Variants in HDGFL2 observed in about 807,000 individuals in gnomAD.
HDGFL2 encodes the protein HDGF like 2.
A neutral mutation model predicts 77.1 loss-of-function variants in HDGFL2; 36 were observed. That is an observed-to-expected ratio of 0.47 (90% CI 0.36 to 0.62). The LOEUF (loss-of-function observed/expected upper bound fraction) is 0.62, where lower values mean the gene tolerates loss of function less well. HDGFL2 is among the 20% of genes least tolerant of loss of function. The probability of loss-of-function intolerance (pLI) is 0.00; values close to 1 mark genes in which losing one functional copy is unlikely to be tolerated. For missense variants in HDGFL2, 976 were observed against 973.4 expected, an observed-to-expected ratio of 1.00 and a Z score of -0.04; for synonymous variants, 463 against 413.1, an observed-to-expected ratio of 1.12 and a Z score of -1.46.
At chr19:4,481,384 G>T (rs1486675563) in intron 3 of HDGFL2, among the ~76,000 whole-genome samples, 1 of 152,076 alleles carries the variant, frequency 6.6e-6, no homozygotes, top group Non-Finnish European at 1.5e-5. Flanking sequence ...TAGAGACGGG[G>T]TTTCACCATG....
chr19:4,494,066 T>A lies in HDGFL2; in HGVS notation c.914+9T>A, dbSNP rs780332474. 1.3e-6 allele frequency: 2 copies of A among 1,594,718 alleles called. No homozygotes were observed. Among genetic ancestry groups the A allele is most frequent in the Non-Finnish European group, 1.7e-6 (2 of 1,171,014 alleles). ...AGCTCCAGCAGTGACAGGTGGGTGC[T>A]GGGGCTGGGGTCCCCTCTGGCGGCT... On this transcript the variant is annotated intron_variant, in intron 8 of 15. Transcript: ENST00000616600.
At position 4,484,531 on chromosome 19, in the gene HDGFL2, G is replaced by A. The variant is rs958732934; in HGVS notation, c.289-4145G>A. Among the ~76,000 whole-genome samples, 8 of 150,250 alleles carry A rather than the reference G, an allele frequency of 5.3e-5. No homozygotes were observed. In the South Asian group the frequency reaches 8.4e-4, roughly 16 times the overall value. On this transcript the variant is annotated intron_variant, in intron 3 of 15. Coordinates refer to ENST00000616600, the MANE Select transcript of HDGFL2 (RefSeq NM_001001520.3). ...TCTTTTTTTTTGAGACAGAGTCTTC[G>A]CTCTGTTGCCCAGGCTGGAGTGCAG...
At chr19:4,497,636 C>A (rs1011028165) in intron 10 of HDGFL2, 3 of 412,678 alleles carry the variant, frequency 7.3e-6, no homozygotes, top group African/African-American at 2.0e-5. Flanking sequence ...ACGCGTGTCA[C>A]CCTTGAGGGC....
chr19:4,493,156 GTGT>G (rs779941816), intron 6 of HDGFL2, among the ~76,000 whole-genome samples: 8 of 140,462 alleles, frequency 5.7e-5, no homozygotes, highest in Admixed American at 4.3e-4. Context: ...TGTGTGGTGT[GTGT>G]TGTCTGTGTG....
intron 9 of HDGFL2, among the ~76,000 whole-genome samples, chr19:4,495,725 C>T (rs1975684909): frequency 6.6e-6 from 1 of 152,082 alleles, no homozygotes; most frequent in South Asian, 2.1e-4. Context: ...TCTCGGGTGC[C>T]CTCTGGCTGC....
At chr19:4,488,516 G>A (rs369187607) in intron 3 of HDGFL2, among the ~76,000 whole-genome samples, 160 bp from the exon 4 acceptor site, 2 of 152,200 alleles carry the variant, frequency 1.3e-5, no homozygotes, top group Non-Finnish European at 2.9e-5. Flanking sequence ...TTCGTTCTTC[G>A]GCTCTTCTGG....
Position 4,497,231 on chromosome 19 carries a change from T to G in HDGFL2, c.1329-727T>G. 6.8e-6 allele frequency: 3 copies of G among 438,506 alleles called. No individual in the cohort carries two copies. In the Admixed American group the frequency reaches 7.6e-5, roughly 11 times the overall value. The allele number at this position is 438,506 out of a possible 1,614,324, so 27.2% of individuals were successfully genotyped here. A position where few individuals can be genotyped will look rare whatever the true frequency, so the allele number is the denominator to read the frequency against. On this transcript the variant is annotated intron_variant, in intron 10 of 15. Transcript: ENST00000616600. ...TTTTGAGACAGAGTCTTGGGCTTGC[T>G]CTGTGGCCCAGGCTGGAGTGCAGTG...
At chr19:4,474,282 C>G (rs1284233080) in intron 1 of HDGFL2, among the ~76,000 whole-genome samples, 1 of 152,040 alleles carries the variant, frequency 6.6e-6, no homozygotes, top group Non-Finnish European at 1.5e-5. Flanking sequence ...CTGGCAATGC[C>G]GCTGGGATGG....
chr19:4,475,200 AGTAAC>A (rs1975040023), intron 1 of HDGFL2, 70 bp from the exon 2 acceptor site: 1 of 1,354,972 alleles, frequency 7.4e-7, no homozygotes, highest in Non-Finnish European at 1.0e-6. Context: ...ATTTGCCCCA[AGTAAC>A]TTGGCTGATT....
intron 3 of HDGFL2, 136 bp downstream of exon 3, chr19:4,475,719 G>C: frequency 8.9e-7 from 1 of 1,120,618 alleles, no homozygotes; most frequent in Non-Finnish European, 1.2e-6. Context: ...TCTGGGCCCT[G>C]CAGGTGCTGA....
chr19:4,475,178 C>T (rs1476922388), intron 1 of HDGFL2, 97 bp from the exon 2 acceptor site: 3 of 1,007,626 alleles, frequency 3.0e-6, no homozygotes, highest in African/African-American at 1.6e-5. Flanking sequence ...AGGCTCCCCT[C>T]CTCCCAGCGT....
intron 3 of HDGFL2, among the ~76,000 whole-genome samples, chr19:4,476,054 T>C (rs1975064973): frequency 6.6e-6 from 1 of 151,778 alleles, no homozygotes; most frequent in African/African-American, 2.4e-5. Flanking sequence ...CACACCCGGC[T>C]AATTTTTTTG....
In HDGFL2 at chr19:4,485,137, C is replaced by T. The variant is rs116112679; in HGVS notation, c.289-3539C>T. ...ATTTTCAACGCTTCACAAAGGAATC[C>T]TCTACCTGCTAGGTATCCCCCCAAT... On this transcript the variant is annotated intron_variant, in intron 3 of 15. Transcript: ENST00000616600. 7.7e-4 allele frequency among the ~76,000 whole-genome samples: 117 copies of T among 152,262 alleles called. 1 individual carries two copies. Among genetic ancestry groups the T allele is most frequent in the Non-Finnish European group, 2.4e-4 (16 of 68,026 alleles).
At position 4,499,639 on chromosome 19, in the gene HDGFL2, T is replaced by G. The variant is rs1599726178; in HGVS notation, c.1724T>G (p.Leu575Arg). Residue 575 changes from leucine to arginine, a missense_variant, in exon 14 of 16, where the codon CTG becomes CGG. Coordinates refer to ENST00000616600, the MANE Select transcript of HDGFL2 (RefSeq NM_001001520.3). The stretch of plus-strand genomic sequence containing the variant: ...GAGAAGGAGAAGGCCGAGGAGAAGC[T>G]GGCCGGGGAGGAGCTGGCCGGGGAG... The part of the protein sequence containing the change: ...GMEKEKAEEK[L>R]AGEELAGEEA... 1 of 1,546,532 alleles carries G rather than the reference T, an allele frequency of 6.5e-7. No homozygotes were observed. The highest frequency in any genetic ancestry group is 8.7e-7 in the Non-Finnish European group (1 of 1,144,336).
At position 4,502,105 on chromosome 19, in the gene HDGFL2, G is replaced by T. The variant is rs570697543; in HGVS notation, c.*95G>T. 23 of 887,632 alleles carry T rather than the reference G, an allele frequency of 2.6e-5. No individual in the cohort carries two copies. The highest frequency in any genetic ancestry group is 2.5e-4 in the African/African-American group (15 of 60,484). The allele number at this position is 887,632 out of a possible 1,614,324, so 55.0% of individuals were successfully genotyped here. Reference sequence around the variant, plus strand: ...AGCAGAGCAGAGAACTGTGGGGAACGCTGTGCTGTTTGTATTTGTTCCCTT... The same window carrying T: ...AGCAGAGCAGAGAACTGTGGGGAACTCTGTGCTGTTTGTATTTGTTCCCTT... On this transcript the variant is annotated 3_prime_UTR_variant, in exon 16 of 16. Transcript: ENST00000616600.
chr19:4,489,098 C>T (rs1226485278), intron 4 of HDGFL2, among the ~76,000 whole-genome samples: 2 of 151,734 alleles, frequency 1.3e-5, no homozygotes, highest in African/African-American at 4.8e-5. Context: ...GGATTACAGG[C>T]ACCTGCCACC....
chr19:4,497,385 G>A, intron 10 of HDGFL2: 1 of 309,028 alleles, frequency 3.2e-6, no homozygotes, highest in Non-Finnish European at 6.3e-6. Flanking sequence ...TTTTAGTAGA[G>A]ACGGGGCTTC....
Position 4,491,796 on chromosome 19 carries a change from G to A in HDGFL2, c.639G>A (p.Arg213=), listed in dbSNP as rs761837004. The change falls in exon 6 of 16, where the codon CGG becomes CGA. Residue 213 remains arginine (R), a synonymous_variant. Transcript: ENST00000616600. ...CACCTGAGAAGAAAGCAGCGGTCCG[G>A]GCGCCACGGAGGGGCCCTCTGGGGG... is the stretch of plus-strand genomic sequence containing the variant. ...DFTPEKKAAV[R]APRRGPLGGR... The A allele has an allele frequency of 8.1e-6, 13 of 1,613,956 alleles. No homozygotes were observed. The highest frequency in any genetic ancestry group is 2.2e-5 in the East Asian group (1 of 44,894).
chr19:4,496,509 G>A (rs1975706914), intron 10 of HDGFL2, 104 bp downstream of exon 10: 1 of 860,616 alleles, frequency 1.2e-6, no homozygotes, highest in African/African-American at 1.7e-5. Context: ...GTTCAGCCTT[G>A]GAGCCGGACC....
Sources: allele counts gnomAD v4.1 joint callset (sites outside exome capture counted in the v4.1 genomes callset), GRCh38; gene constraint gnomAD v4.1.1; transcripts MANE v1.5; gene names NCBI Gene and HGNC (gene_info 2026-07-23, HGNC 2026-07-21).